The following THADA variants were observed in gnomAD, a reference collection of about 807,000 sequenced individuals.
THADA encodes tRNA (32-2'-O)-methyltransferase regulator THADA.
THADA carries 213 observed loss-of-function variants against 219.8 expected under a neutral mutation model. That is an observed-to-expected ratio of 0.97 (90% CI 0.87 to 1.09). THADA has a LOEUF of 1.09. Ranked by LOEUF, THADA falls within the 50% of genes least tolerant of loss-of-function variation. THADA has a pLI of 0.00. For synonymous variants in THADA, 1,018 were observed against 828.9 expected (o/e 1.23, Z -3.92); for missense variants, 2,956 against 2,311.3 (o/e 1.28, Z -5.72).
chr2:43,446,792 G>C (rs1681622107), intron 26 of THADA, among the ~76,000 whole-genome samples: 1 of 152,284 alleles, frequency 6.6e-6, no homozygotes, highest in South Asian at 2.1e-4. Context: ...TGATAACAAG[G>C]AGCACACGAT....
chr2:43,341,356 G>A (rs1003526899), intron 30 of THADA, among the ~76,000 whole-genome samples: 1 of 152,140 alleles, frequency 6.6e-6, no homozygotes, highest in Admixed American at 6.6e-5. Context: ...AAGTGGGGTG[G>A]GGAGCAGAGG....
rs183899314 is a variant in THADA at position 43,384,736 on chromosome 2, C to T, written c.4227+13235G>A. ...ATCCCAGCACTTTGGGAGGCTGAGG[C>T]GGGAGAATTGCTTCAGCCCAAGAGT... On this transcript the variant is annotated intron_variant, in intron 29 of 37. Coordinates refer to ENST00000405975, the MANE Select transcript of THADA (RefSeq NM_022065.5). 8.2e-3 allele frequency among the ~76,000 whole-genome samples: 1,254 copies of T among 152,110 alleles called. 69 individuals are homozygous for T. The highest frequency in any genetic ancestry group is 0.076 in the Admixed American group (1,160 of 15,278).
At chr2:43,533,422 A>G (rs1043243084) in intron 21 of THADA, among the ~76,000 whole-genome samples, 1 of 151,608 alleles carries the variant, frequency 6.6e-6, no homozygotes, top group Non-Finnish European at 1.5e-5. Context: ...TCATTCTACT[A>G]TAAAGACACA....
intron 26 of THADA, among the ~76,000 whole-genome samples, chr2:43,474,267 G>T (rs1417835796): frequency 6.6e-6 from 1 of 152,192 alleles, no homozygotes; most frequent in African/African-American, 2.4e-5. Flanking sequence ...GGTTTAAAGA[G>T]GATGTGTGTT....
chr2:43,251,970 G>T (rs534016971), intron 36 of THADA, among the ~76,000 whole-genome samples: 2 of 151,746 alleles, frequency 1.3e-5, no homozygotes, highest in African/African-American at 4.8e-5. Flanking sequence ...TTTTCCATTC[G>T]GGGCTGTTCC....
chr2:43,446,193 A>T (rs1480444986), intron 26 of THADA, among the ~76,000 whole-genome samples: 2 of 152,238 alleles, frequency 1.3e-5, no homozygotes, highest in Admixed American at 1.3e-4. Context: ...ATTAACTGTT[A>T]TAGTTTAATT....
chr2:43,460,386 T>C (rs552143826), intron 26 of THADA, among the ~76,000 whole-genome samples: 1 of 152,214 alleles, frequency 6.6e-6, no homozygotes, highest in Non-Finnish European at 1.5e-5. Context: ...TGTAACACTA[T>C]TCTGTCCATG....
intron 36 of THADA, among the ~76,000 whole-genome samples, chr2:43,266,111 C>A (rs1671492158): frequency 6.6e-6 from 1 of 152,100 alleles, no homozygotes; most frequent in African/African-American, 2.4e-5. Flanking sequence ...GGAGCCCTTA[C>A]CAACCTGTCC....
chr2:43,426,363 AG>A (rs1389029769), intron 28 of THADA, among the ~76,000 whole-genome samples: 2 of 152,232 alleles, frequency 1.3e-5, no homozygotes, highest in Non-Finnish European at 2.9e-5. Flanking sequence ...GACAGAGCAC[AG>A]GTTCTAAAGC....
chr2:43,236,030 C>T (rs550635179), intron 36 of THADA, among the ~76,000 whole-genome samples: 8 of 152,144 alleles, frequency 5.3e-5, no homozygotes, highest in South Asian at 2.1e-4. Flanking sequence ...ATGATGGTCT[C>T]GATCTCCTGA....
intron 20 of THADA, among the ~76,000 whole-genome samples, chr2:43,541,776 G>A (rs1044114892): frequency 1.3e-5 from 2 of 152,224 alleles, no homozygotes; most frequent in African/African-American, 2.4e-5. Context: ...TTATAGACAT[G>A]AGCCACCATG....
intron 26 of THADA, among the ~76,000 whole-genome samples, chr2:43,472,261 C>T (rs1429852139): frequency 6.6e-6 from 1 of 152,200 alleles, no homozygotes. Context: ...AGTATGATAT[C>T]TCCAGAGATG....
intron 29 of THADA, among the ~76,000 whole-genome samples, chr2:43,361,284 TA>T (rs1669493913): frequency 6.6e-6 from 1 of 152,208 alleles, no homozygotes; most frequent in Admixed American, 6.5e-5. Flanking sequence ...ATCTATAAAA[TA>T]AAGCTAATAA....
intron 31 of THADA, among the ~76,000 whole-genome samples, chr2:43,310,506 G>A (rs1398938712): frequency 2.6e-5 from 4 of 152,124 alleles, no homozygotes; most frequent in Non-Finnish European, 5.9e-5. Context: ...TAGTCTTTTT[G>A]AAATACAGTG....
intron 20 of THADA, among the ~76,000 whole-genome samples, chr2:43,548,471 G>T (rs1387812778): frequency 6.6e-6 from 1 of 152,230 alleles, no homozygotes; most frequent in African/African-American, 2.4e-5. Flanking sequence ...GCCCCCAGAG[G>T]TGGAGCCTAC....
chr2:43,400,649 C>T (rs1345604566), intron 28 of THADA, among the ~76,000 whole-genome samples: 1 of 151,948 alleles, frequency 6.6e-6, no homozygotes, highest in Non-Finnish European at 1.5e-5. Flanking sequence ...GGACAAGTCA[C>T]AGTAACCTCT....
chr2:43,265,976 CACACACACACACACAG>C lies in THADA; in HGVS notation c.5296+13773_5296+13788del, dbSNP rs1200928160. Among the ~76,000 whole-genome samples, 192 of 131,466 alleles carry C rather than the reference CACACACACACACACAG, an allele frequency of 1.5e-3. 1 individual carries two copies. Among genetic ancestry groups the C allele is most frequent in the African/African-American group, 4.4e-3 (157 of 35,514 alleles). 86.2% of individuals were successfully genotyped at this position (131,466 alleles called of 152,430 possible). A position where few individuals can be genotyped will look rare whatever the true frequency, so the allele number is the denominator to read the frequency against. On this transcript the variant is annotated intron_variant, in intron 36 of 37. Coordinates refer to ENST00000405975, the MANE Select transcript of THADA (RefSeq NM_022065.5). ...ACACACACACACACACACACACACACACACACACACACACAGACTCTTGAGGGTCTGAAGCAGAACC... is the reference window on the plus strand; with the variant it reads ...ACACACACACACACACACACACACACACTCTTGAGGGTCTGAAGCAGAACC...
At chr2:43,245,330 G>A (rs1179084320) in intron 36 of THADA, among the ~76,000 whole-genome samples, 3 of 151,658 alleles carry the variant, frequency 2.0e-5, no homozygotes, top group African/African-American at 7.3e-5. Flanking sequence ...ATACCACCAC[G>A]CCTGGCTAAT....
At chr2:43,499,355 T>C (rs1180596381) in intron 24 of THADA, among the ~76,000 whole-genome samples, 1 of 152,074 alleles carries the variant, frequency 6.6e-6, no homozygotes, top group Non-Finnish European at 1.5e-5. Context: ...ATTAAGAAAC[T>C]TTAAAAAAAA....
Sources: allele counts gnomAD v4.1 joint callset (sites outside exome capture counted in the v4.1 genomes callset), GRCh38; gene constraint gnomAD v4.1.1; transcripts MANE v1.5; gene names NCBI Gene and HGNC (gene_info 2026-07-23, HGNC 2026-07-21).